The following DOCK9 variants were observed in gnomAD, a reference collection of about 807,000 sequenced individuals.
DOCK9 encodes the protein dedicator of cytokinesis 9, also known as dedicator of cytokinesis protein 9.
A neutral mutation model predicts 263.3 loss-of-function variants in DOCK9; 89 were observed. The observed-to-expected ratio is 0.34, with a 90% CI of 0.28 to 0.40. The LOEUF (loss-of-function observed/expected upper bound fraction) is 0.40. Among genes scored for constraint, DOCK9 ranks in the 10% least tolerant of loss-of-function variants. The pLI is 1.00. For missense variants in DOCK9, 2,140 were observed against 2,603.4 expected, an observed-to-expected ratio of 0.82 and a Z score of 3.87; for synonymous variants, 976 against 973.1, an observed-to-expected ratio of 1.00 and a Z score of -0.06.
chr13:98,914,278 CAT>C (rs1259322983), intron 9 of DOCK9, 48 bp downstream of exon 9: 1 of 1,457,456 alleles, frequency 6.9e-7, no homozygotes, highest in East Asian at 2.3e-5. Flanking sequence ...TGAAATGAGA[CAT>C]ACTTCAACAG....
intron 1 of DOCK9, among the ~76,000 whole-genome samples, chr13:99,085,532 G>A (rs1236413772): frequency 2.0e-5 from 3 of 152,178 alleles, no homozygotes; most frequent in Non-Finnish European, 4.4e-5. Flanking sequence ...GTTCTGCCAC[G>A]GGAAGATTCG....
intron 3 of DOCK9, among the ~76,000 whole-genome samples, chr13:98,928,612 T>C (rs1447621655): frequency 6.6e-6 from 1 of 152,234 alleles, no homozygotes; most frequent in African/African-American, 2.4e-5. Context: ...CAACAAACTT[T>C]TTGTGTAAAA....
intron 34 of DOCK9, among the ~76,000 whole-genome samples, chr13:98,855,355 C>T (rs1227230548): frequency 2.0e-5 from 3 of 152,010 alleles, no homozygotes; most frequent in African/African-American, 7.3e-5. Flanking sequence ...GGGCGGATGA[C>T]GAGGTCAGGA....
chr13:99,081,914 T>C (rs928808116), intron 1 of DOCK9, among the ~76,000 whole-genome samples: 1 of 152,214 alleles, frequency 6.6e-6, no homozygotes, highest in African/African-American at 2.4e-5. Flanking sequence ...GTTAAAAATG[T>C]TCCTAGTAGC....
At chr13:99,008,514 G>C (rs1410404238) in intron 1 of DOCK9, among the ~76,000 whole-genome samples, 1 of 152,096 alleles carries the variant, frequency 6.6e-6, no homozygotes, top group Admixed American at 6.6e-5. Flanking sequence ...GATTACAGGC[G>C]TGAGCCACCG....
intron 1 of DOCK9, among the ~76,000 whole-genome samples, chr13:98,976,757 C>T (rs1258197614): frequency 3.9e-5 from 6 of 152,204 alleles, no homozygotes; most frequent in African/African-American, 1.4e-4. Flanking sequence ...TCAGGGTTAG[C>T]AATATAGTTT....
In DOCK9 at chr13:98,841,573, A is replaced by G. The variant is rs557862589; in HGVS notation, c.4199-3964T>C. The stretch of plus-strand genomic sequence containing the variant: ...AAATGTGCCTCAGAATCAAGGAAAC[A>G]TATCTCAGAATCAAGGAAATAAGTG... On this transcript the variant is annotated intron_variant, in intron 38 of 52. Transcript: ENST00000682017. 4.6e-5 allele frequency among the ~76,000 whole-genome samples: 7 copies of G among 152,122 alleles called. No homozygotes were observed. The South Asian group carries it at 1.0e-3, about 23-fold the overall frequency.
chr13:98,797,463 C>T lies in DOCK9; in HGVS notation c.5943G>A (p.Ala1981=), dbSNP rs2282133. ...TGTTTGTATCATCTAAGAAAGCTCG[C>T]GCATATGCTAGTGGGCCAGCATTGA... ...VQVNAGPLAY[A]RAFLDDTNTK... is the part of the protein sequence containing the mutation. Residue 1981 remains alanine (A), a synonymous_variant, in exon 51 of 53, where the codon GCG becomes GCA. Coordinates refer to ENST00000682017, the MANE Select transcript of DOCK9 (RefSeq NM_001366683.2). 13,972 of 1,612,444 alleles carry T rather than the reference C, an allele frequency of 8.7e-3. 482 individuals are homozygous for T. The East Asian group carries it at 0.1, about 12-fold the overall frequency.
intron 38 of DOCK9, among the ~76,000 whole-genome samples, chr13:98,837,820 T>C (rs2093064309): frequency 6.6e-6 from 1 of 152,084 alleles, no homozygotes; most frequent in Admixed American, 6.6e-5. Context: ...ATAACTTTTT[T>C]CCCACTCTGA....
At chr13:98,834,386 A>T (rs1043481521) in intron 39 of DOCK9, 3 of 152,200 alleles carry the variant, frequency 2.0e-5, no homozygotes, top group Non-Finnish European at 2.9e-5. Flanking sequence ...ATGCTTGCCA[A>T]TCACTAAGAC....
rs771858428 is a variant in DOCK9, at chr13:98,867,419, G to A, written c.3286+6C>T. On this transcript the variant is annotated splice_donor_region_variant and intron_variant, in intron 30 of 52. Coordinates refer to ENST00000682017, the MANE Select transcript of DOCK9 (RefSeq NM_001366683.2). ...GAAAAGGTTAATAGAAATAAAGATG[G>A]ATTACCTTGGTATCTTTGAATCCTG... The A allele has an allele frequency of 6.8e-7, 1 of 1,476,014 alleles. No homozygotes were observed. The highest frequency in any genetic ancestry group is 9.4e-7 in the Non-Finnish European group (1 of 1,063,110). 91.4% of individuals were successfully genotyped at this position (1,476,014 alleles called of 1,614,324 possible).
intron 32 of DOCK9, among the ~76,000 whole-genome samples, chr13:98,860,868 C>A (rs9517467): frequency 0.48 from 73,700 of 152,038 alleles, 18,299 homozygotes; most frequent in Middle Eastern, 0.6. Flanking sequence ...TTTTTTCCTT[C>A]AGAGAAAGCC....
At chr13:98,866,747 ATG>A (rs2094037104) in intron 30 of DOCK9, among the ~76,000 whole-genome samples, 1 of 152,200 alleles carries the variant, frequency 6.6e-6, no homozygotes, top group South Asian at 2.1e-4. Context: ...TGCCACCACT[ATG>A]GACAAGGGCT....
At chr13:98,895,833 T>C (rs544125344) in intron 15 of DOCK9, among the ~76,000 whole-genome samples, 1 of 152,344 alleles carries the variant, frequency 6.6e-6, no homozygotes, top group East Asian at 1.9e-4. Flanking sequence ...TAGGGTACTA[T>C]TCTTTTATTT....
At chr13:99,085,033 C>T (rs2042274490) in intron 1 of DOCK9, among the ~76,000 whole-genome samples, 1 of 152,218 alleles carries the variant, frequency 6.6e-6, no homozygotes, top group South Asian at 2.1e-4. Flanking sequence ...GTTGGCAGAG[C>T]TAGCAATCGA....
At chr13:98,941,580 A>AT (rs2055860321) in intron 2 of DOCK9, among the ~76,000 whole-genome samples, 3 of 151,930 alleles carry the variant, frequency 2.0e-5, no homozygotes. Context: ...AGAATTATAT[A>AT]TTTTTTTGGT....
In DOCK9 at chr13:98,873,910, C is replaced by G. The variant is rs574662414; in HGVS notation, c.2944-5533G>C. On this transcript the variant is annotated intron_variant, in intron 27 of 52. Coordinates refer to ENST00000682017, the MANE Select transcript of DOCK9 (RefSeq NM_001366683.2). Reference sequence around the variant, plus strand: ...TAAACCAAGCCCTCTACTCTACTGCCTCTCTCAAAAGCTCCTTCTTCTATG... The same window carrying G: ...TAAACCAAGCCCTCTACTCTACTGCGTCTCTCAAAAGCTCCTTCTTCTATG... 2.6e-4 allele frequency among the ~76,000 whole-genome samples: 39 copies of G among 152,360 alleles called. 1 individual carries two copies. The highest frequency in any genetic ancestry group is 9.4e-4 in the African/African-American group (39 of 41,584).
At chr13:98,916,752 T>C (rs1337510959) in intron 7 of DOCK9, among the ~76,000 whole-genome samples, 1 of 152,064 alleles carries the variant, frequency 6.6e-6, no homozygotes, top group African/African-American at 2.4e-5. Flanking sequence ...ATACTCACAA[T>C]CATGAAAAGA....
intron 1 of DOCK9, among the ~76,000 whole-genome samples, chr13:99,052,098 G>A (rs549247548): frequency 4.6e-5 from 7 of 152,266 alleles, no homozygotes; most frequent in South Asian, 2.1e-4. Flanking sequence ...CTCTCAGCAC[G>A]ACCAATTTTC....
Sources: gnomAD v4.1 joint callset for allele counts (sites outside exome capture counted in the v4.1 genomes callset) on GRCh38, gnomAD v4.1.1 for gene constraint, MANE v1.5 for transcripts, NCBI Gene and HGNC (gene_info 2026-07-23, HGNC 2026-07-21) for gene names.